ABHD3: variants seen among roughly 807,000 people sequenced by gnomAD.
ABHD3 encodes abhydrolase domain containing 3, phospholipase, also known as phospholipase ABHD3.
A neutral mutation model predicts 48.8 loss-of-function variants in ABHD3; 46 were observed. The observed-to-expected ratio is 0.94, with a 90% CI of 0.74 to 1.20. The LOEUF (loss-of-function observed/expected upper bound fraction) is 1.20. Ranked by LOEUF, ABHD3 falls within the 50% of genes most tolerant of loss-of-function variation. ABHD3 has a pLI of 0.00. For missense variants in ABHD3, 490 were observed against 497.8 expected, an observed-to-expected ratio of 0.98 and a Z score of 0.15; for synonymous variants, 192 against 183.7, an observed-to-expected ratio of 1.04 and a Z score of -0.36.
chr18:21,689,329 A>G (rs1259041985), intron 3 of ABHD3, among the ~76,000 whole-genome samples: 1 of 152,006 alleles, frequency 6.6e-6, no homozygotes, highest in Non-Finnish European at 1.5e-5. Context: ...TGGGTGGATC[A>G]CCTGAGGTCA....
intron 8 of ABHD3, among the ~76,000 whole-genome samples, chr18:21,655,702 T>C (rs1296187237): frequency 3.3e-5 from 5 of 150,716 alleles, no homozygotes; most frequent in African/African-American, 1.2e-4. Context: ...TAGCCAGGCA[T>C]GGTGGCGGGC....
chr18:21,698,034 C>T (rs1415924617), intron 3 of ABHD3, among the ~76,000 whole-genome samples: 7 of 152,114 alleles, frequency 4.6e-5, no homozygotes, highest in Admixed American at 3.3e-4. Flanking sequence ...ATGGCAAGTG[C>T]ACCCTGCGCC....
chr18:21,670,159 G>A (rs1385022436), intron 4 of ABHD3, among the ~76,000 whole-genome samples: 1 of 152,026 alleles, frequency 6.6e-6, no homozygotes, highest in Non-Finnish European at 1.5e-5. Context: ...GGATGTTAAC[G>A]CCCCGGTACT....
intron 6 of ABHD3, among the ~76,000 whole-genome samples, chr18:21,657,491 A>T (rs2039385137): frequency 6.6e-6 from 1 of 151,630 alleles, no homozygotes; most frequent in Non-Finnish European, 1.5e-5. Context: ...GGTGTGCACC[A>T]CCACACCCCA....
intron 3 of ABHD3, among the ~76,000 whole-genome samples, chr18:21,687,541 C>T (rs1238298163): frequency 2.0e-5 from 3 of 152,164 alleles, no homozygotes; most frequent in Non-Finnish European, 4.4e-5. Context: ...ACAGTTCTCT[C>T]CAATTAATTT....
intron 4 of ABHD3, among the ~76,000 whole-genome samples, chr18:21,675,555 C>T (rs1409840522): frequency 6.6e-6 from 1 of 151,982 alleles, no homozygotes; most frequent in Non-Finnish European, 1.5e-5. Context: ...GTATGAGTCA[C>T]CGCACCCAGC....
intron 5 of ABHD3, among the ~76,000 whole-genome samples, chr18:21,659,962 CTTTTTTTTTT>C (rs60634505): frequency 1.4e-5 from 1 of 73,840 alleles, no homozygotes; most frequent in African/African-American, 7.9e-5. Context: ...TGCACCCGGC[CTTTTTTTTTT>C]TTTTTTTTTT....
At chr18:21,703,952 A>G in intron 1 of ABHD3, 1 of 561,142 alleles carries the variant, frequency 1.8e-6, no homozygotes, top group East Asian at 2.9e-5. Flanking sequence ...GAATCGCGAT[A>G]AGGGAGTTTG....
intron 3 of ABHD3, among the ~76,000 whole-genome samples, chr18:21,689,890 T>C (rs2146326088): frequency 6.6e-6 from 1 of 152,280 alleles, no homozygotes; most frequent in Admixed American, 6.5e-5. Context: ...CAACACTCTT[T>C]GCAAAAGTAT....
At chr18:21,699,916 T>TC (rs751535977) in intron 3 of ABHD3, among the ~76,000 whole-genome samples, 3 of 152,032 alleles carry the variant, frequency 2.0e-5, no homozygotes, top group African/African-American at 4.8e-5. Flanking sequence ...GACCTTGTGA[T>TC]CCGCATGCCT....
Position 21,678,072 on chromosome 18 carries a change from C to T in ABHD3, c.555+5848G>A, listed in dbSNP as rs555012698. Among the ~76,000 whole-genome samples, 5 of 152,276 alleles carry T rather than the reference C, an allele frequency of 3.3e-5. No individual in the cohort carries two copies. The South Asian group carries it at 1.0e-3, about 32-fold the overall frequency. ...CTGGGGCTCAAGCAATCCTCCTGTA[C>T]TCAGCCTCCCAAGTAGCTGGTATAA... On this transcript the variant is annotated intron_variant, in intron 4 of 8. Coordinates refer to ENST00000289119, the MANE Select transcript of ABHD3 (RefSeq NM_138340.5).
chr18:21,666,257 G>A (rs553286255), intron 4 of ABHD3, among the ~76,000 whole-genome samples: 185 of 152,074 alleles, frequency 1.2e-3, no homozygotes, highest in African/African-American at 3.8e-3. Context: ...GCTGTGGCGC[G>A]ATCTTGGCTC....
At chr18:21,657,588 G>A (rs1223003415) in intron 6 of ABHD3, among the ~76,000 whole-genome samples, 1 of 151,758 alleles carries the variant, frequency 6.6e-6, no homozygotes, top group African/African-American at 2.4e-5. Flanking sequence ...GGGCTCAAGT[G>A]ATCCACCCTC....
chr18:21,684,409 C>A (rs149459208), intron 3 of ABHD3, among the ~76,000 whole-genome samples: 2,612 of 149,894 alleles, frequency 0.017, 83 homozygotes, highest in African/African-American at 0.061. Context: ...CCTCCGCCTC[C>A]CAGGGTTCAA....
At chr18:21,680,170 C>T (rs968238618) in intron 4 of ABHD3, among the ~76,000 whole-genome samples, 1 of 152,032 alleles carries the variant, frequency 6.6e-6, no homozygotes, top group African/African-American at 2.4e-5. Flanking sequence ...TGTGTCACTA[C>T]ACCTGGCTAA....
At chr18:21,677,808 T>A (rs2039920231) in intron 4 of ABHD3, among the ~76,000 whole-genome samples, 2 of 151,706 alleles carry the variant, frequency 1.3e-5, no homozygotes, top group Admixed American at 6.6e-5. Context: ...CTCAGCCTCC[T>A]GAGTAGCTGG....
chr18:21,704,737 G>C lies in ABHD3; in HGVS notation c.-72C>G. 9 of 1,298,824 alleles carry C rather than the reference G, an allele frequency of 6.9e-6. No homozygotes were observed. Among genetic ancestry groups the C allele is most frequent in the Non-Finnish European group, 8.9e-6 (9 of 1,012,426 alleles). The allele number at this position is 1,298,824 out of a possible 1,614,324, so 80.5% of individuals were successfully genotyped here. On this transcript the variant is annotated 5_prime_UTR_variant, in exon 1 of 9. Coordinates refer to ENST00000289119, the MANE Select transcript of ABHD3 (RefSeq NM_138340.5). ...CTGGCGAGCGGGCGAGAGCGGGCGA[G>C]AGCGGACGCGGCGCCGCTGCCTACT...
intron 2 of ABHD3, 67 bp downstream of exon 2, chr18:21,703,517 A>C: frequency 6.4e-7 from 1 of 1,554,384 alleles, no homozygotes; most frequent in Admixed American, 1.7e-5. Context: ...AGAACTGGGA[A>C]TAAGCAAGCA....
intron 3 of ABHD3, among the ~76,000 whole-genome samples, chr18:21,688,313 A>G (rs1297772868): frequency 2.6e-5 from 4 of 152,200 alleles, no homozygotes; most frequent in Non-Finnish European, 4.4e-5. Context: ...CTAACAATAG[A>G]AATGATAATC....
Sources: gnomAD v4.1 joint callset for allele counts (sites outside exome capture counted in the v4.1 genomes callset) on GRCh38, gnomAD v4.1.1 for gene constraint, MANE v1.5 for transcripts, NCBI Gene and HGNC (gene_info 2026-07-23, HGNC 2026-07-21) for gene names.